MEI4: variants seen among roughly 807,000 people sequenced by gnomAD.
MEI4 encodes meiosis-specific protein MEI4.
Under a neutral mutation model 31.4 loss-of-function variants are expected in MEI4, and 27 were observed. That is an observed-to-expected ratio of 0.86 (90% CI 0.63 to 1.19). The LOEUF (loss-of-function observed/expected upper bound fraction) is 1.19. Among genes scored for constraint, MEI4 ranks in the 50% most tolerant of loss-of-function variants. The pLI is 0.00. For missense variants in MEI4, 329 were observed against 398.9 expected, an observed-to-expected ratio of 0.82 and a Z score of 1.49; for synonymous variants, 122 against 145.4, an observed-to-expected ratio of 0.84 and a Z score of 1.16.
chr6:77,698,209 A>C lies in MEI4; in HGVS notation c.232+7306A>C, dbSNP rs140422528. ...GAATATAGCACACTGATGGGTCTTG[A>C]CTTCTTTATCCAATTTGCCAGTCTG... On this transcript the variant is annotated intron_variant, in intron 2 of 4. Transcript: ENST00000684080. Among the ~76,000 whole-genome samples the C allele has an allele frequency of 4.5e-4, 69 of 152,050 alleles. No homozygotes were observed. The East Asian group carries it at 0.011, about 24-fold the overall frequency.
At chr6:77,872,731 TC>T (rs1373355031) in intron 4 of MEI4, among the ~76,000 whole-genome samples, 2 of 62,352 alleles carry the variant, frequency 3.2e-5, no homozygotes, top group Non-Finnish European at 5.8e-5. Flanking sequence ...CCCTCCCCCC[TC>T]CCCCCACCCC....
chr6:77,661,969 G>T lies in MEI4; in HGVS notation c.-15+8877G>T, dbSNP rs572906782. Reference sequence around the variant, plus strand: ...CCTTTTGATGCCCCTTGCAGTGAATGACCCCAGCTTCTTTTGGAAGTAAAG... The same window carrying T: ...CCTTTTGATGCCCCTTGCAGTGAATTACCCCAGCTTCTTTTGGAAGTAAAG... On this transcript the variant is annotated intron_variant, in intron 1 of 4. Coordinates refer to ENST00000684080, the MANE Select transcript of MEI4 (RefSeq NM_001322247.2). Among the ~76,000 whole-genome samples the T allele has an allele frequency of 5.9e-5, 9 of 152,268 alleles. No homozygotes were observed. In the East Asian group the frequency reaches 1.7e-3, roughly 29 times the overall value.
Position 77,820,972 on chromosome 6 carries a change from GT to G in MEI4, c.769-7958del, listed in dbSNP as rs1769810248. Among the ~76,000 whole-genome samples, 1 of 150,420 alleles carries G rather than the reference GT, an allele frequency of 6.6e-6. No individual in the cohort carries two copies. Among genetic ancestry groups the G allele is most frequent in the African/African-American group, 2.4e-5 (1 of 40,840 alleles). On this transcript the variant is annotated intron_variant, in intron 3 of 4. Transcript: ENST00000684080. The surrounding 1 kb of genome is among the most constrained non-coding windows in gnomAD (Gnocchi z 4.5). ...TATAGCTTCTTATTCTATTCTCTAT[GT>G]CTCTTAACCTCTACTCGTATATTGC...
chr6:77,744,663 A>G (rs1366167955), intron 2 of MEI4, among the ~76,000 whole-genome samples: 1 of 152,208 alleles, frequency 6.6e-6, no homozygotes, highest in Non-Finnish European at 1.5e-5. Flanking sequence ...AAGACACGTA[A>G]TTGTCAGATT....
At position 77,676,799 on chromosome 6, in the gene MEI4, C is replaced by T. The variant is rs139875582; in HGVS notation, c.-14-13859C>T. Among the ~76,000 whole-genome samples the T allele has an allele frequency of 6.1e-3, 924 of 152,206 alleles. 6 individuals carry two copies. Among genetic ancestry groups the T allele is most frequent in the Non-Finnish European group, 0.011 (718 of 68,000 alleles). On this transcript the variant is annotated intron_variant, in intron 1 of 4. Transcript: ENST00000684080. ...TGAATTGTTCTTAAATTTTTCTTTTCTCTTTCCACCATTTCCCCCATCACT... is the reference window on the plus strand; with the variant it reads ...TGAATTGTTCTTAAATTTTTCTTTTTTCTTTCCACCATTTCCCCCATCACT...
At chr6:77,835,338 C>A (rs1198808897) in intron 4 of MEI4, among the ~76,000 whole-genome samples, 2 of 140,848 alleles carry the variant, frequency 1.4e-5, no homozygotes, top group Non-Finnish European at 3.0e-5. Flanking sequence ...CCAGCCTGGG[C>A]AACAAGAGTG....
intron 3 of MEI4, among the ~76,000 whole-genome samples, chr6:77,810,936 GA>G (rs555295682): frequency 2.0e-5 from 3 of 150,920 alleles, no homozygotes; most frequent in East Asian, 1.9e-4. Context: ...AGGAGGAAAA[GA>G]AAAAAAAATC....
At chr6:77,704,282 T>C (rs1181309710) in intron 2 of MEI4, among the ~76,000 whole-genome samples, 1 of 152,234 alleles carries the variant, frequency 6.6e-6, no homozygotes, top group Non-Finnish European at 1.5e-5. Context: ...CAGAAATCTG[T>C]GTCCTGGCCC....
At chr6:77,921,993 G>GA (rs1317869566) in intron 4 of MEI4, among the ~76,000 whole-genome samples, 24 of 151,776 alleles carry the variant, frequency 1.6e-4, no homozygotes, top group African/African-American at 5.8e-4. Flanking sequence ...GCACATGTTG[G>GA]AAAAATGACT....
intron 2 of MEI4, among the ~76,000 whole-genome samples, chr6:77,697,791 T>C (rs1484602884): frequency 1.3e-5 from 2 of 152,206 alleles, no homozygotes; most frequent in Admixed American, 1.3e-4. Context: ...GTCCGCTTGA[T>C]ACAGAGCTGA....
At chr6:77,719,317 A>G (rs1229573761) in intron 2 of MEI4, among the ~76,000 whole-genome samples, 1 of 137,002 alleles carries the variant, frequency 7.3e-6, no homozygotes, top group Non-Finnish European at 1.6e-5. Context: ...GTGATCTTTG[A>G]TAAGAAAAGT....
chr6:77,686,977 G>A (rs1315176064), intron 1 of MEI4, among the ~76,000 whole-genome samples: 1 of 150,510 alleles, frequency 6.6e-6, no homozygotes, highest in Non-Finnish European at 1.5e-5. Flanking sequence ...CAGAAAATTA[G>A]CGAGTTGATA....
chr6:77,714,805 A>G (rs996287462), intron 2 of MEI4, among the ~76,000 whole-genome samples: 4 of 152,028 alleles, frequency 2.6e-5, no homozygotes, highest in African/African-American at 9.7e-5. Context: ...ACTGCCCCCC[A>G]TCCCAATAAA....
At chr6:77,831,724 CAG>C (rs1184104286) in intron 4 of MEI4, among the ~76,000 whole-genome samples, 1 of 151,624 alleles carries the variant, frequency 6.6e-6, no homozygotes, top group Non-Finnish European at 1.5e-5. Context: ...CATATTGAGG[CAG>C]AGAGTAAATC....
At chr6:77,774,527 C>A (rs529594892) in intron 3 of MEI4, among the ~76,000 whole-genome samples, 1 of 151,868 alleles carries the variant, frequency 6.6e-6, no homozygotes, top group Non-Finnish European at 1.5e-5. Flanking sequence ...AAGCGAGGAC[C>A]TAATTAGATT....
At chr6:77,659,245 A>T (rs980097451) in intron 1 of MEI4, among the ~76,000 whole-genome samples, 1 of 152,124 alleles carries the variant, frequency 6.6e-6, no homozygotes, top group African/African-American at 2.4e-5. Context: ...CATGAGGGGA[A>T]CAGGGAGCTC....
At chr6:77,752,785 A>G (rs1046879761) in intron 2 of MEI4, among the ~76,000 whole-genome samples, 1 of 151,770 alleles carries the variant, frequency 6.6e-6, no homozygotes, top group Admixed American at 6.6e-5. Context: ...ACCAAAGAAG[A>G]GCCCACATAG....
At chr6:77,875,834 C>G (rs1249731901) in intron 4 of MEI4, among the ~76,000 whole-genome samples, 1 of 152,068 alleles carries the variant, frequency 6.6e-6, no homozygotes, top group Admixed American at 6.6e-5. Context: ...TGGGGGAACT[C>G]TAGGACACAA....
chr6:77,816,567 T>G (rs1389974084), intron 3 of MEI4, among the ~76,000 whole-genome samples: 2 of 152,148 alleles, frequency 1.3e-5, no homozygotes, highest in African/African-American at 4.8e-5. Flanking sequence ...TGGTTCCAAG[T>G]CTTTGCTATT....
Sources: allele counts gnomAD v4.1 joint callset (sites outside exome capture counted in the v4.1 genomes callset), GRCh38; gene constraint gnomAD v4.1.1; non-coding constraint Gnocchi (gnomAD v3.1); transcripts MANE v1.5; gene names NCBI Gene and HGNC (gene_info 2026-07-23, HGNC 2026-07-21).